Variants in EPB41L3 observed in about 807,000 individuals in gnomAD.
EPB41L3 encodes the protein band 4.1-like protein 3.
A neutral mutation model predicts 127.1 loss-of-function variants in EPB41L3; 57 were observed. That is an observed-to-expected ratio of 0.45 (90% CI 0.36 to 0.56). EPB41L3 has a LOEUF of 0.56. EPB41L3 is among the 20% of genes least tolerant of loss of function. EPB41L3 has a pLI of 0.00. For synonymous variants in EPB41L3, 572 were observed against 549.5 expected (o/e 1.04, Z -0.57); for missense variants, 1,273 against 1,372.2 (o/e 0.93, Z 1.14).
intron 1 of EPB41L3, among the ~76,000 whole-genome samples, chr18:5,499,821 A>ATGTGTGTGTG (rs1222775684): frequency 7.2e-6 from 1 of 138,104 alleles, no homozygotes; most frequent in African/African-American, 2.8e-5. Context: ...CATACTTACT[A>ATGTGTGTGTG]TGTGTGTGTA....
Position 5,593,704 on chromosome 18 carries a change from C to T in EPB41L3, c.-306+18636G>A, listed in dbSNP as rs150238198. Among the ~76,000 whole-genome samples, 242 of 152,226 alleles carry T rather than the reference C, an allele frequency of 1.6e-3. 4 individuals carry two copies. In the East Asian group the frequency reaches 0.025, roughly 16 times the overall value. ...CTGGGAGCACTATGGGAGACTGGGC[C>T]TTATTTCATCCCTAAGGTCTCAACC... is the stretch of plus-strand genomic sequence containing the variant. On this transcript the variant is annotated intron_variant, in intron 3 of 21. Transcript: ENST00000545076.
chr18:5,395,062 A>G lies in EPB41L3; in HGVS notation c.3153+5T>C, dbSNP rs2073128414. The G allele has an allele frequency of 5.0e-6, 8 of 1,613,876 alleles. No homozygotes were observed. Among genetic ancestry groups the G allele is most frequent in the Non-Finnish European group, 6.8e-6 (8 of 1,179,782 alleles). ...CCAGGGTATTTACCGTCTCACACAC[A>G]CTACCTGGTCATGGTCAATGTCTGC... On this transcript the variant is annotated splice_donor_5th_base_variant and intron_variant, in intron 21 of 22. Coordinates refer to ENST00000341928, the MANE Select transcript of EPB41L3 (RefSeq NM_012307.5).
rs2073662136 is a variant in EPB41L3, at chr18:5,397,115, CTCT to C, written c.2781_2783del (p.Glu929del). On this transcript the variant is annotated inframe_deletion, in exon 18 of 23. Coordinates refer to ENST00000341928, the MANE Select transcript of EPB41L3 (RefSeq NM_012307.5). This position sits in a 1 kb window ranked among gnomAD's most constrained non-coding sequence, Gnocchi z 4.1. ...AAATGTGGATGGCTGCACTCTGCTC[CTCT>C]TGTCGCTCACGGGAAGCAGCGGCTG... The C allele has an allele frequency of 1.2e-6, 2 of 1,614,070 alleles. No homozygotes were observed. The highest frequency in any genetic ancestry group is 1.7e-6 in the Non-Finnish European group (2 of 1,180,004).
chr18:5,630,199 G>C (rs1048987542), upstream of EPB41L3, among the ~76,000 whole-genome samples: 2 of 152,178 alleles, frequency 1.3e-5, no homozygotes, highest in Non-Finnish European at 2.9e-5. Context: ...GAGAGTCCCT[G>C]TCGCCTCCGG....
Position 5,478,228 on chromosome 18 carries a change from G to C in EPB41L3, c.381+13C>G, listed in dbSNP as rs2087646265. The C allele has an allele frequency of 6.2e-7, 1 of 1,612,364 alleles. No individual in the cohort carries two copies. Among genetic ancestry groups the C allele is most frequent in the Admixed American group, 1.7e-5 (1 of 59,956 alleles). ...AATATCTAGGACAGAAAAGTCTTAA[G>C]ACACACACTTACCTCTACATCACAG... On this transcript the variant is annotated intron_variant, in intron 3 of 22. Transcript: ENST00000341928.
At chr18:5,536,616 C>G (rs2093580873) in intron 1 of EPB41L3, among the ~76,000 whole-genome samples, 1 of 149,550 alleles carries the variant, frequency 6.7e-6, no homozygotes, top group Non-Finnish European at 1.5e-5. Context: ...CCAGCCTTGC[C>G]AACGTGGTAA....
rs529597620 is a variant in EPB41L3 at position 5,481,871 on chromosome 18, C to A, written c.184-3433G>T. ...AGGCCACCTAGCGCCAAAGAGGTGG[C>A]AGAGGCCTAGCGGTAAAAAATTTCT... On this transcript the variant is annotated intron_variant, in intron 2 of 22. Transcript: ENST00000341928. Among the ~76,000 whole-genome samples, 71 of 152,296 alleles carry A rather than the reference C, an allele frequency of 4.7e-4. 2 individuals are homozygous for A. In the South Asian group the frequency reaches 7.5e-3, roughly 16 times the overall value.
Position 5,445,194 on chromosome 18 carries a change from G to A in EPB41L3, c.432C>T (p.Asn144=). 6.2e-7 allele frequency: 1 copy of A among 1,614,082 alleles called. No homozygotes were observed. Among genetic ancestry groups the A allele is most frequent in the East Asian group, 2.2e-5 (1 of 44,886 alleles). The part of the protein sequence containing the change: ...VLFDKVCEHL[N]LLEKDYFGLT... ...GCCCAAAGTAGTCTTTCTCTAGCAAGTTCAAGTGTTCACACACTTTATCAA... is the reference window on the plus strand; with the variant it reads ...GCCCAAAGTAGTCTTTCTCTAGCAAATTCAAGTGTTCACACACTTTATCAA... The change falls in exon 4 of 23, where the codon AAC becomes AAT. Residue 144 remains asparagine, a synonymous_variant. Transcript: ENST00000341928.
chr18:5,410,071 G>C (rs543726132), intron 14 of EPB41L3, among the ~76,000 whole-genome samples: 4 of 152,174 alleles, frequency 2.6e-5, no homozygotes, highest in Middle Eastern at 3.4e-3. Context: ...AATGAGTCAG[G>C]TAAGTCTTAT....
intron 1 of EPB41L3, among the ~76,000 whole-genome samples, chr18:5,490,188 A>G (rs893306609): frequency 1.3e-5 from 2 of 152,242 alleles, no homozygotes; most frequent in Non-Finnish European, 1.5e-5. Flanking sequence ...CGCCAAGTAG[A>G]TCCCATGTCA....
At chr18:5,575,303 T>C (rs2094326056) in intron 3 of EPB41L3, among the ~76,000 whole-genome samples, 1 of 152,142 alleles carries the variant, frequency 6.6e-6, no homozygotes, top group African/African-American at 2.4e-5. Context: ...ATCTCCAGTG[T>C]TGGAGGTGGG....
At chr18:5,564,291 C>G (rs1490511843) in intron 3 of EPB41L3, among the ~76,000 whole-genome samples, 1 of 152,022 alleles carries the variant, frequency 6.6e-6, no homozygotes, top group East Asian at 1.9e-4. Flanking sequence ...AAAGATAGGG[C>G]TTTGTATGTT....
chr18:5,613,348 G>A (rs757047355), intron 2 of EPB41L3, among the ~76,000 whole-genome samples: 1 of 152,156 alleles, frequency 6.6e-6, no homozygotes, highest in East Asian at 1.9e-4. Context: ...GTGAACTTTC[G>A]AACATCTCCA....
intron 8 of EPB41L3, among the ~76,000 whole-genome samples, chr18:5,428,755 T>G (rs2078573966): frequency 6.6e-6 from 1 of 152,236 alleles, no homozygotes; most frequent in African/African-American, 2.4e-5. Flanking sequence ...TTAATAACGG[T>G]AATAATAGTA....
chr18:5,496,562 T>C (rs1055364596), intron 1 of EPB41L3, among the ~76,000 whole-genome samples: 4 of 152,256 alleles, frequency 2.6e-5, no homozygotes, highest in Non-Finnish European at 5.9e-5. Flanking sequence ...AATTCTGTTC[T>C]AGGATCTCTG....
intron 12 of EPB41L3, among the ~76,000 whole-genome samples, chr18:5,418,558 G>C (rs978479033): frequency 4.6e-5 from 7 of 152,146 alleles, no homozygotes; most frequent in Non-Finnish European, 8.8e-5. Context: ...GAACAGACAG[G>C]AAGAGTGTAA....
chr18:5,573,672 A>G (rs1404472305), intron 3 of EPB41L3, among the ~76,000 whole-genome samples: 2 of 152,194 alleles, frequency 1.3e-5, no homozygotes, highest in African/African-American at 4.8e-5. Flanking sequence ...ACCATTTCCT[A>G]TGTTCCTTTC....
chr18:5,625,664 T>C (rs2094915288), intron 1 of EPB41L3, among the ~76,000 whole-genome samples: 1 of 152,220 alleles, frequency 6.6e-6, no homozygotes, highest in Non-Finnish European at 1.5e-5. Flanking sequence ...ACCAACACTC[T>C]TGGTTCTAGA....
chr18:5,535,962 T>A (rs936831992), intron 1 of EPB41L3, among the ~76,000 whole-genome samples: 3 of 152,106 alleles, frequency 2.0e-5, no homozygotes, highest in Non-Finnish European at 2.9e-5. Flanking sequence ...TACTAAACTA[T>A]CCCAGACCCT....
Sources: gnomAD v4.1 joint callset for allele counts (sites outside exome capture counted in the v4.1 genomes callset) on GRCh38, gnomAD v4.1.1 for gene constraint, Gnocchi (gnomAD v3.1) non-coding constraint, MANE v1.5 for transcripts, NCBI Gene and HGNC (gene_info 2026-07-23, HGNC 2026-07-21) for gene names.